The following OR2L13 variants were observed in gnomAD, a reference collection of about 807,000 sequenced individuals.
OR2L13 encodes olfactory receptor family 2 subfamily L member 13.
In OR2L13, 14 loss-of-function variants were observed where a neutral mutation model predicts 15.3. The observed-to-expected ratio is 0.91, with a 90% CI of 0.60 to 1.43. OR2L13 has a LOEUF of 1.43. OR2L13 is among the 40% of genes most tolerant of loss of function. The pLI is 0.00. For missense variants in OR2L13, 367 were observed against 387.9 expected (o/e 0.95, Z 0.45); for synonymous variants, 152 against 142.9 (o/e 1.06, Z -0.45).
chr1:248,057,410 G>T, the OR2L13 span, among the ~76,000 whole-genome samples: 2 of 151,968 alleles, frequency 1.3e-5, no homozygotes, highest in African/African-American at 4.8e-5. Flanking sequence ...TGTCTTTTTT[G>T]ACCTTTGTTG....
the OR2L13 span, chr1:248,029,042 T>G: frequency 6.6e-6 from 1 of 152,162 alleles, no homozygotes; most frequent in Non-Finnish European, 1.5e-5. Context: ...TTTCAGGAAA[T>G]TGTCCTTGCC....
the OR2L13 span, among the ~76,000 whole-genome samples, chr1:248,006,959 G>A: frequency 6.6e-6 from 1 of 152,138 alleles, no homozygotes. Context: ...ATTTGTCATA[G>A]CAGCTTGAAT....
At chr1:247,980,162 C>T in the OR2L13 span, among the ~76,000 whole-genome samples, 1 of 152,034 alleles carries the variant, frequency 6.6e-6, no homozygotes, top group Non-Finnish European at 1.5e-5. Context: ...AATTTAATTA[C>T]TAAATATACC....
chr1:248,075,472 A>G, the OR2L13 span, among the ~76,000 whole-genome samples: 1 of 152,090 alleles, frequency 6.6e-6, no homozygotes, highest in African/African-American at 2.4e-5. Context: ...CCCACCAACA[A>G]TGTAAAAGCG....
At chr1:247,991,060 C>T in the OR2L13 span, 35 of 1,569,454 alleles carry the variant, frequency 2.2e-5, 1 homozygote, top group Middle Eastern at 1.7e-4. Flanking sequence ...AAGATCCCTG[C>T]GATCTCCGAC....
the OR2L13 span, among the ~76,000 whole-genome samples, chr1:247,967,045 C>CACACACACA: frequency 9.5e-5 from 14 of 147,410 alleles, no homozygotes; most frequent in African/African-American, 3.0e-4. Flanking sequence ...ACACCACACA[C>CACACACACA]CACACACACA....
At chr1:247,990,770 G>T in the OR2L13 span, 1 of 1,602,200 alleles carries the variant, frequency 6.2e-7, no homozygotes, top group East Asian at 2.2e-5. Flanking sequence ...ATCCCATATT[G>T]CAAGTCCAGA....
chr1:248,073,301 A>T, the OR2L13 span, among the ~76,000 whole-genome samples: 1 of 152,252 alleles, frequency 6.6e-6, no homozygotes, highest in Non-Finnish European at 1.5e-5. Flanking sequence ...CAGCCATAAA[A>T]AATGATGAGT....
chr1:247,992,135 A>T, the OR2L13 span, among the ~76,000 whole-genome samples: 1 of 149,218 alleles, frequency 6.7e-6, no homozygotes, highest in Non-Finnish European at 1.5e-5. Context: ...CTCAATGTAA[A>T]GGCAACATAG....
At chr1:248,083,819 T>C in the OR2L13 span, 2 of 1,613,524 alleles carry the variant, frequency 1.2e-6, no homozygotes, top group South Asian at 1.1e-5. Context: ...GGGATTTGGG[T>C]CTCATATAGG....
chr1:248,099,786 AATG>A, exon 3 of OR2L13: 3 of 1,614,098 alleles, frequency 1.9e-6, no homozygotes, highest in Non-Finnish European at 2.5e-6. Flanking sequence ...GCATGAGTAA[AATG>A]ATGTGTGTGA....
chr1:247,985,166 T>C, the OR2L13 span, among the ~76,000 whole-genome samples: 15 of 152,126 alleles, frequency 9.9e-5, no homozygotes, highest in African/African-American at 3.1e-4. Flanking sequence ...GTTAGTTACA[T>C]ATGTATACAT....
the OR2L13 span, chr1:248,061,627 T>A: frequency 1.2e-6 from 2 of 1,607,422 alleles, no homozygotes; most frequent in Non-Finnish European, 8.5e-7. Flanking sequence ...GTAGAAACAT[T>A]TTCTACCTAA....
At chr1:248,085,918 C>G in the OR2L13 span, among the ~76,000 whole-genome samples, 1 of 152,054 alleles carries the variant, frequency 6.6e-6, no homozygotes, top group Non-Finnish European at 1.5e-5. Flanking sequence ...GCTGATCTGA[C>G]GGAGGCAGAA....
chr1:248,045,109 C>T, the OR2L13 span, among the ~76,000 whole-genome samples: 1 of 152,144 alleles, frequency 6.6e-6, no homozygotes, highest in East Asian at 1.9e-4. Flanking sequence ...AATCTTGTAT[C>T]TTTGGGACAT....
chr1:247,945,404 C>T, the OR2L13 span, among the ~76,000 whole-genome samples: 3 of 152,034 alleles, frequency 2.0e-5, no homozygotes, highest in East Asian at 1.9e-4. Flanking sequence ...TTTGTATTTG[C>T]TGAGGAGTGT....
the OR2L13 span, among the ~76,000 whole-genome samples, chr1:247,992,995 T>C: frequency 6.6e-6 from 1 of 152,178 alleles, no homozygotes; most frequent in African/African-American, 2.4e-5. Flanking sequence ...ACCAACAGTG[T>C]ATAAGAATTC....
the OR2L13 span, among the ~76,000 whole-genome samples, chr1:248,052,167 T>C: frequency 3.3e-5 from 5 of 152,220 alleles, no homozygotes; most frequent in African/African-American, 1.2e-4. Context: ...ATCTCTTGCA[T>C]TTAGGATTTT....
chr1:248,029,671 G>A, the OR2L13 span, among the ~76,000 whole-genome samples: 423 of 152,106 alleles, frequency 2.8e-3, 6 homozygotes, highest in African/African-American at 9.4e-3. Flanking sequence ...AATTAACCTC[G>A]TTCTATTTTA....
Sources: allele counts gnomAD v4.1 joint callset (sites outside exome capture counted in the v4.1 genomes callset), GRCh38; gene constraint gnomAD v4.1.1; transcripts MANE v1.5; gene names NCBI Gene and HGNC (gene_info 2026-07-23, HGNC 2026-07-21).